The following NRL variants were observed in gnomAD, a reference collection of about 807,000 sequenced individuals.
NRL encodes neural retina leucine zipper.
Under a neutral mutation model 12.5 loss-of-function variants are expected in NRL, and 16 were observed. The ratio of observed to expected loss-of-function variants is 1.28; its 90% CI spans 0.87 to 1.95. The LOEUF (loss-of-function observed/expected upper bound fraction) is 1.95, where lower values mean the gene tolerates loss of function less well. Among genes scored for constraint, NRL ranks in the 30% most tolerant of loss-of-function variants. The pLI is 0.00. For synonymous variants in NRL, 142 were observed against 150.9 expected, an observed-to-expected ratio of 0.94 and a Z score of 0.43; for missense variants, 314 against 325.8, an observed-to-expected ratio of 0.96 and a Z score of 0.28.
At chr14:24,098,462 C>T in intron 1 of NRL, 1 of 1,613,726 alleles carries the variant, frequency 6.2e-7, no homozygotes, top group Non-Finnish European at 8.5e-7. Context: ...CCAGGGGATG[C>T]CTTCCTCCAC....
intron 1 of NRL, chr14:24,084,806 A>C: frequency 1.4e-6 from 1 of 726,920 alleles, no homozygotes. Context: ...CAAAGAAGGA[A>C]AGGGAGCATC....
In NRL at chr14:24,103,624, G is replaced by A. The variant is rs201244499; in HGVS notation, c.-28+11098C>T. 48 of 1,613,832 alleles carry A rather than the reference G, an allele frequency of 3.0e-5. No homozygotes were observed. Among genetic ancestry groups the A allele is most frequent in the African/African-American group, 1.2e-4 (9 of 74,938 alleles). ...GGGCGCAAGGGGGCCCAGCTGCCCC[G>A]TATCTTCCATGTCAACTGGTTCCGG... On this transcript the variant is annotated intron_variant, in intron 1 of 2. Transcript: ENST00000561028.
At chr14:24,095,973 C>A (rs550694862) in intron 1 of NRL, among the ~76,000 whole-genome samples, 29 of 152,306 alleles carry the variant, frequency 1.9e-4, no homozygotes, top group African/African-American at 6.7e-4. Context: ...AGCATCCAGT[C>A]ACCTATTCTC....
At chr14:24,097,519 G>A (rs1240550526) in intron 1 of NRL, among the ~76,000 whole-genome samples, 4 of 150,978 alleles carry the variant, frequency 2.6e-5, no homozygotes, top group African/African-American at 7.3e-5. Flanking sequence ...AGCCAAGATC[G>A]CGTCATTGCA....
At chr14:24,095,758 G>T (rs913335886) in intron 1 of NRL, among the ~76,000 whole-genome samples, 9 of 152,216 alleles carry the variant, frequency 5.9e-5, no homozygotes, top group Admixed American at 4.6e-4. Context: ...CAGAGCAGAC[G>T]TTGCTTCTCT....
At chr14:24,084,209 A>T (rs950421754) in intron 1 of NRL, among the ~76,000 whole-genome samples, 2 of 152,222 alleles carry the variant, frequency 1.3e-5, no homozygotes, top group African/African-American at 4.8e-5. Flanking sequence ...CTCTCTATGG[A>T]ACCTGTCACC....
chr14:24,096,786 CAG>C, intron 1 of NRL: 1 of 940,720 alleles, frequency 1.1e-6, no homozygotes, highest in Non-Finnish European at 1.7e-6. Context: ...TCCCTGCATG[CAG>C]ACATGTTTTA....
chr14:24,098,423 A>G lies in NRL; in HGVS notation c.-27-15548T>C, dbSNP rs761146441. 1.7e-5 allele frequency: 27 copies of G among 1,612,016 alleles called. 1 individual carries two copies. The South Asian group carries it at 3.0e-4, about 18-fold the overall frequency. On this transcript the variant is annotated intron_variant, in intron 1 of 2. Transcript: ENST00000561028. ...CAGGGGCACAGTGGCAAGGGCACGG[A>G]AGATGTGAACAGGTTTGGAACCCTT...
intron 1 of NRL, among the ~76,000 whole-genome samples, chr14:24,108,498 ATTTTT>A: frequency 7.1e-6 from 1 of 140,372 alleles, no homozygotes; most frequent in South Asian, 2.3e-4. Context: ...CACCTGGCTA[ATTTTT>A]TTTTTTTTTT....
chr14:24,100,235 T>A, intron 1 of NRL: 1 of 1,613,470 alleles, frequency 6.2e-7, no homozygotes, highest in Admixed American at 1.7e-5. Flanking sequence ...GGGGAAGGTG[T>A]GGCACAGCCT....
At chr14:24,096,534 C>T (rs2036893356) in intron 1 of NRL, among the ~76,000 whole-genome samples, 1 of 152,146 alleles carries the variant, frequency 6.6e-6, no homozygotes, top group African/African-American at 2.4e-5. Flanking sequence ...CGTGCCCAGC[C>T]ATCTCCCTAC....
intron 1 of NRL, chr14:24,102,699 T>C: frequency 6.6e-7 from 1 of 1,514,320 alleles, no homozygotes; most frequent in Non-Finnish European, 9.1e-7. Flanking sequence ...TGTATGTGTG[T>C]GTTGGGGGTC....
At chr14:24,102,603 C>T in intron 1 of NRL, 1 of 650,092 alleles carries the variant, frequency 1.5e-6, no homozygotes, top group Non-Finnish European at 2.7e-6. Context: ...TGCCCTGGCT[C>T]CCCTCTCTCT....
chr14:24,109,072 A>G (rs545182464), intron 1 of NRL, among the ~76,000 whole-genome samples: 2 of 152,326 alleles, frequency 1.3e-5, no homozygotes, highest in South Asian at 4.1e-4. Context: ...TTTACTTAGC[A>G]ATTACCAGAA....
intron 1 of NRL, among the ~76,000 whole-genome samples, chr14:24,086,539 T>A (rs1056041756): frequency 1.3e-5 from 2 of 152,174 alleles, no homozygotes; most frequent in Admixed American, 1.3e-4. Context: ...ATGAGGATCA[T>A]GGAGAGGCAG....
chr14:24,081,252 G>GAC lies in NRL; in HGVS notation c.697_698insGT (p.Ser233CysfsTer86). On this transcript the variant is annotated frameshift_variant, in exon 3 of 3. Coordinates refer to ENST00000561028, the MANE Select transcript of NRL (RefSeq NM_001354768.3). LOFTEE classifies it high-confidence loss of function. This position sits in a 1 kb window ranked among gnomAD's most constrained non-coding sequence, Gnocchi z 4.4. Reference sequence around the variant, plus strand: ...CTGAACGGCTCAGAGGAAGAGGTGGGAGGGGTCCCCGGACCCGGGGCCGCT... The same window carrying GAC: ...CTGAACGGCTCAGAGGAAGAGGTGGGACAGGGGTCCCCGGACCCGGGGCCGCT... 6.6e-7 allele frequency: 1 copy of GAC among 1,506,756 alleles called. No individual in the cohort carries two copies. 93.3% of individuals were successfully genotyped at this position (1,506,756 alleles called of 1,614,324 possible).
chr14:24,111,885 C>A (rs548685427), intron 1 of NRL, among the ~76,000 whole-genome samples: 1 of 120,564 alleles, frequency 8.3e-6, no homozygotes, highest in South Asian at 3.2e-4. Context: ...TGAATAGGAG[C>A]GGTGAGAGAG....
intron 1 of NRL, chr14:24,103,559 C>T: frequency 6.4e-7 from 1 of 1,570,826 alleles, no homozygotes; most frequent in Non-Finnish European, 8.6e-7. Flanking sequence ...TTTTTGGCTA[C>T]AACTTCGGGC....
chr14:24,100,519 G>T, intron 1 of NRL: 1 of 881,180 alleles, frequency 1.1e-6, no homozygotes, highest in Non-Finnish European at 1.5e-6. Context: ...GCATAAAAAG[G>T]GTTTATCACA....
Sources: gnomAD v4.1 joint callset for allele counts (sites outside exome capture counted in the v4.1 genomes callset) on GRCh38, gnomAD v4.1.1 for gene constraint, Gnocchi (gnomAD v3.1) non-coding constraint, MANE v1.5 for transcripts, NCBI Gene and HGNC (gene_info 2026-07-23, HGNC 2026-07-21) for gene names.